The following NKAIN2 variants were observed in gnomAD, a reference collection of about 807,000 sequenced individuals.
NKAIN2 encodes the protein sodium/potassium-transporting ATPase subunit beta-1-interacting protein 2.
A neutral mutation model predicts 32.6 loss-of-function variants in NKAIN2; 14 were observed. That is an observed-to-expected ratio of 0.43 (90% CI 0.28 to 0.67). The LOEUF is 0.67. Ranked by LOEUF, NKAIN2 falls within the 30% of genes least tolerant of loss-of-function variation. NKAIN2 has a pLI of 0.17. For synonymous variants in NKAIN2, 80 were observed against 87.2 expected (o/e 0.92, Z 0.46); for missense variants, 198 against 258.3 (o/e 0.77, Z 1.60).
chr6:124,454,387 T>C (rs1288630816), intron 3 of NKAIN2, among the ~76,000 whole-genome samples: 2 of 152,096 alleles, frequency 1.3e-5, no homozygotes, highest in African/African-American at 4.8e-5. Context: ...CAGTGTTTTA[T>C]GCAGAAAGTA....
At chr6:124,750,822 C>G (rs1777680484) in intron 4 of NKAIN2, among the ~76,000 whole-genome samples, 1 of 151,978 alleles carries the variant, frequency 6.6e-6, no homozygotes, top group Admixed American at 6.6e-5. Context: ...TGCAGTTCAA[C>G]AGAGTAATCT....
chr6:123,995,789 A>T (rs185475483), intron 1 of NKAIN2, among the ~76,000 whole-genome samples: 5 of 152,198 alleles, frequency 3.3e-5, no homozygotes, highest in Admixed American at 1.3e-4. Flanking sequence ...GTTACTAAAT[A>T]TTTCACAAGT....
chr6:124,276,442 C>A (rs76808538), intron 1 of NKAIN2, among the ~76,000 whole-genome samples: 1,699 of 152,096 alleles, frequency 0.011, 38 homozygotes, highest in African/African-American at 0.04. Flanking sequence ...TTTATCTTTG[C>A]TCCTATTTTA....
At chr6:124,116,652 A>G (rs1299154232) in intron 1 of NKAIN2, among the ~76,000 whole-genome samples, 1 of 152,028 alleles carries the variant, frequency 6.6e-6, no homozygotes, top group Non-Finnish European at 1.5e-5. Flanking sequence ...ACCTTAAGTA[A>G]ATTTAGTGGA....
intron 1 of NKAIN2, among the ~76,000 whole-genome samples, chr6:123,988,717 A>T (rs538085314): frequency 6.6e-6 from 1 of 152,344 alleles, no homozygotes; most frequent in African/African-American, 2.4e-5. Context: ...TTTCAAGCAT[A>T]AATGGATGAA....
At chr6:124,089,011 C>G (rs189899600) in intron 1 of NKAIN2, among the ~76,000 whole-genome samples, 1 of 151,896 alleles carries the variant, frequency 6.6e-6, no homozygotes, top group Admixed American at 6.6e-5. Flanking sequence ...AAATAATATC[C>G]TCTGCTTCCT....
At position 123,816,370 on chromosome 6, in the gene NKAIN2, A is replaced by G. The variant is rs565079607; in HGVS notation, c.54+12116A>G. Among the ~76,000 whole-genome samples, 13 of 152,276 alleles carry G rather than the reference A, an allele frequency of 8.5e-5. No individual in the cohort carries two copies. In the South Asian group the frequency reaches 1.4e-3, roughly 17 times the overall value. On this transcript the variant is annotated intron_variant, in intron 1 of 6. Transcript: ENST00000368417. ...TGTCCCAGTGCCCTACAGTAGAATA[A>G]GAAACAACACAATGTGAGAGTGAAG...
At chr6:124,782,776 T>C (rs990359914) in intron 4 of NKAIN2, among the ~76,000 whole-genome samples, 4 of 152,236 alleles carry the variant, frequency 2.6e-5, no homozygotes, top group African/African-American at 9.6e-5. Flanking sequence ...ATTGTGTACA[T>C]TTTACAGAAC....
rs147107897 is a variant in NKAIN2, at chr6:124,817,162, C to G, written c.536-1225C>G. Among the ~76,000 whole-genome samples, 20 of 152,218 alleles carry G rather than the reference C, an allele frequency of 1.3e-4. No homozygotes were observed. In the East Asian group the frequency reaches 3.9e-3, roughly 29 times the overall value. On this transcript the variant is annotated intron_variant, in intron 5 of 6. Coordinates refer to ENST00000368417, the MANE Select transcript of NKAIN2 (RefSeq NM_001040214.3). ...ACTTGTTTGACCCACAGCCCACAGG[C>G]TACATGCAGCCCAGGACAGCTTTGA...
rs907410420 is a variant in NKAIN2 at position 123,953,367 on chromosome 6, C to T, written c.54+149113C>T. Among the ~76,000 whole-genome samples the T allele has an allele frequency of 3.3e-5, 5 of 152,230 alleles. No homozygotes were observed. In the East Asian group the frequency reaches 5.8e-4, roughly 18 times the overall value. On this transcript the variant is annotated intron_variant, in intron 1 of 6. Transcript: ENST00000368417. Reference sequence around the variant, plus strand: ...CTGATTTTTGGGCCTCCAGGTGGCTCGCTCAGATTTCAGTAGTTCAGCCGT... The same window carrying T: ...CTGATTTTTGGGCCTCCAGGTGGCTTGCTCAGATTTCAGTAGTTCAGCCGT...
chr6:124,495,059 T>C (rs1778012831), intron 3 of NKAIN2, among the ~76,000 whole-genome samples: 1 of 152,152 alleles, frequency 6.6e-6, no homozygotes, highest in Non-Finnish European at 1.5e-5. Flanking sequence ...TTAACTATAA[T>C]TGACTAGAAA....
At chr6:124,344,305 G>A (rs1798292051) in intron 2 of NKAIN2, among the ~76,000 whole-genome samples, 1 of 152,066 alleles carries the variant, frequency 6.6e-6, no homozygotes, top group African/African-American at 2.4e-5. Context: ...GGATTCACTT[G>A]GTGATGCGGG....
intron 3 of NKAIN2, among the ~76,000 whole-genome samples, chr6:124,488,945 A>G (rs920324450): frequency 6.6e-6 from 1 of 151,854 alleles, no homozygotes; most frequent in Non-Finnish European, 1.5e-5. Context: ...GATCCTTTCT[A>G]TTCCTTCTAT....
chr6:124,603,660 T>C (rs1038908119), intron 3 of NKAIN2, among the ~76,000 whole-genome samples: 5 of 151,938 alleles, frequency 3.3e-5, no homozygotes, highest in African/African-American at 1.2e-4. Flanking sequence ...GCAGTTCAGT[T>C]TGCCTTCTGT....
intron 1 of NKAIN2, among the ~76,000 whole-genome samples, chr6:124,069,687 T>G (rs79233690): frequency 6.6e-6 from 1 of 152,112 alleles, no homozygotes; most frequent in Admixed American, 6.6e-5. Context: ...CAAGTGTAGA[T>G]GAATGAATGA....
chr6:124,081,005 C>T lies in NKAIN2; in HGVS notation c.55-202000C>T, dbSNP rs143060379. Among the ~76,000 whole-genome samples the T allele has an allele frequency of 3.9e-5, 6 of 152,134 alleles. No individual in the cohort carries two copies. In the East Asian group the frequency reaches 1.2e-3, roughly 29 times the overall value. ...TGATTTCAGGGCAGTTAGTTTCAAA[C>T]ATTTATTTATTCATTGGCATATGAA... On this transcript the variant is annotated intron_variant, in intron 1 of 6. Transcript: ENST00000368417.
At chr6:124,439,017 T>C (rs540634006) in intron 3 of NKAIN2, among the ~76,000 whole-genome samples, 2 of 152,252 alleles carry the variant, frequency 1.3e-5, no homozygotes, top group East Asian at 3.9e-4. Context: ...TATTAATCTA[T>C]TCAAGTGGTT....
intron 1 of NKAIN2, among the ~76,000 whole-genome samples, chr6:123,994,964 G>C (rs1195388469): frequency 2.6e-5 from 4 of 152,126 alleles, no homozygotes; most frequent in Non-Finnish European, 5.9e-5. Flanking sequence ...ACTTTTTGAG[G>C]TGAAAATCAA....
At chr6:124,330,629 A>G (rs762451538) in intron 2 of NKAIN2, among the ~76,000 whole-genome samples, 19 of 152,180 alleles carry the variant, frequency 1.2e-4, no homozygotes, top group Non-Finnish European at 2.2e-4. Flanking sequence ...TCAACAAATA[A>G]TATTTCCAGC....
Sources: allele counts gnomAD v4.1 joint callset (sites outside exome capture counted in the v4.1 genomes callset), GRCh38; gene constraint gnomAD v4.1.1; transcripts MANE v1.5; gene names NCBI Gene and HGNC (gene_info 2026-07-23, HGNC 2026-07-21).